Variants in LMBR1 observed in about 807,000 individuals in gnomAD.
LMBR1 encodes limb development membrane protein 1.
In LMBR1, 52 loss-of-function variants were observed where a neutral mutation model predicts 73.9. The observed-to-expected ratio is 0.70, with a 90% CI of 0.56 to 0.89. The LOEUF (loss-of-function observed/expected upper bound fraction) is 0.89. Ranked by LOEUF, LMBR1 falls within the 40% of genes least tolerant of loss-of-function variation. The pLI is 0.00. For missense variants in LMBR1, 539 were observed against 579.8 expected (o/e 0.93, Z 0.72); for synonymous variants, 215 against 209.4 (o/e 1.03, Z -0.23).
chr7:156,854,443 A>C (rs554249597), intron 1 of LMBR1, among the ~76,000 whole-genome samples: 12 of 152,354 alleles, frequency 7.9e-5, no homozygotes, highest in Admixed American at 7.8e-4. Flanking sequence ...TAATTAAAAA[A>C]TAATAATAAA....
intron 9 of LMBR1, among the ~76,000 whole-genome samples, chr7:156,745,193 C>T (rs1270102802): frequency 6.6e-6 from 1 of 152,048 alleles, no homozygotes; most frequent in African/African-American, 2.4e-5. Flanking sequence ...TTATTTTTTT[C>T]AAGTTCTCAG....
chr7:156,717,957 G>A (rs1037712245), intron 15 of LMBR1, among the ~76,000 whole-genome samples: 4 of 152,174 alleles, frequency 2.6e-5, no homozygotes, highest in African/African-American at 9.7e-5. Flanking sequence ...ATTAGAAGTG[G>A]CGGCCGGATC....
At chr7:156,746,747 A>G (rs1340289680) in intron 9 of LMBR1, among the ~76,000 whole-genome samples, 1 of 152,176 alleles carries the variant, frequency 6.6e-6, no homozygotes, top group African/African-American at 2.4e-5. Context: ...TTTTTGAGTA[A>G]ATATTTCATT....
intron 1 of LMBR1, among the ~76,000 whole-genome samples, chr7:156,888,339 G>C (rs1216314488): frequency 3.3e-5 from 5 of 151,590 alleles, no homozygotes; most frequent in East Asian, 1.9e-4. Context: ...GAACCGGGGG[G>C]GCGGAGCTTG....
chr7:156,740,817 C>T (rs1238816319), intron 9 of LMBR1, among the ~76,000 whole-genome samples: 1 of 152,106 alleles, frequency 6.6e-6, no homozygotes, highest in African/African-American at 2.4e-5. Context: ...TACACAAACT[C>T]ACTGGTAATA....
chr7:156,822,646 A>G (rs575451624), intron 4 of LMBR1: 36 of 152,174 alleles, frequency 2.4e-4, no homozygotes, highest in Admixed American at 7.2e-4. Context: ...CAAATATTAT[A>G]AAAAATATTC....
At chr7:156,856,888 A>G (rs1487393146) in intron 1 of LMBR1, among the ~76,000 whole-genome samples, 1 of 152,222 alleles carries the variant, frequency 6.6e-6, no homozygotes, top group Admixed American at 6.5e-5. Flanking sequence ...GAGGGGAACT[A>G]GGAATATTCT....
At chr7:156,891,338 T>TA (rs1802952362) in intron 1 of LMBR1, among the ~76,000 whole-genome samples, 1 of 143,180 alleles carries the variant, frequency 7.0e-6, no homozygotes, top group Non-Finnish European at 1.5e-5. Context: ...CCATCAACAG[T>TA]AAAATGAAAA....
chr7:156,783,076 C>T (rs145201081), intron 5 of LMBR1, among the ~76,000 whole-genome samples: 4 of 152,324 alleles, frequency 2.6e-5, no homozygotes, highest in Admixed American at 1.3e-4. Context: ...CTGCTTGTCA[C>T]ATTCTATAAG....
chr7:156,797,183 T>C (rs534480936), intron 4 of LMBR1, among the ~76,000 whole-genome samples: 42 of 152,174 alleles, frequency 2.8e-4, no homozygotes, highest in Non-Finnish European at 5.3e-4. Context: ...TCACAGAGAC[T>C]GGCAATCTTA....
chr7:156,802,772 C>G (rs897391880), intron 4 of LMBR1, among the ~76,000 whole-genome samples: 14 of 150,704 alleles, frequency 9.3e-5, no homozygotes, highest in Non-Finnish European at 8.9e-5. Flanking sequence ...CTGCCCCCTG[C>G]CACTCCCCAC....
chr7:156,831,344 C>CT (rs1374260741), intron 3 of LMBR1, among the ~76,000 whole-genome samples: 1 of 142,810 alleles, frequency 7.0e-6, no homozygotes, highest in Non-Finnish European at 1.5e-5. Flanking sequence ...GGTGAGAACT[C>CT]TGTTTTACAT....
chr7:156,787,672 T>C (rs1307184446), intron 5 of LMBR1, among the ~76,000 whole-genome samples: 1 of 152,248 alleles, frequency 6.6e-6, no homozygotes, highest in Non-Finnish European at 1.5e-5. Flanking sequence ...AGAAAACATT[T>C]CAAGGAGTTA....
At chr7:156,676,066 G>A (rs1053041340), downstream of LMBR1, among the ~76,000 whole-genome samples, 4 of 152,072 alleles carry the variant, frequency 2.6e-5, no homozygotes, top group African/African-American at 2.4e-5. Context: ...TGTCAGTCCC[G>A]GGGTAACCGC....
In LMBR1 at chr7:156,670,253, G is replaced by C. The variant is rs1343199016; in HGVS notation, n.867-966C>G. The stretch of plus-strand genomic sequence containing the variant: ...TGCAGAGGAGCTGGATGCTAAGCAC[G>C]GCTGGCTCTACTGTTTTGACTTTGG... On this transcript the variant is annotated intron_variant and non_coding_transcript_variant, in intron 4 of 4. Coordinates refer to the LMBR1 transcript ENST00000430825. This position sits in a 1 kb window ranked among gnomAD's most constrained non-coding sequence, Gnocchi z 4.3. 6.6e-6 allele frequency among the ~76,000 whole-genome samples: 1 copy of C among 152,120 alleles called. No individual in the cohort carries two copies. Among genetic ancestry groups the C allele is most frequent in the Non-Finnish European group, 1.5e-5 (1 of 68,024 alleles).
At chr7:156,740,211 G>C (rs1585485234) in intron 9 of LMBR1, among the ~76,000 whole-genome samples, 1 of 151,696 alleles carries the variant, frequency 6.6e-6, no homozygotes, top group African/African-American at 2.4e-5. Flanking sequence ...GGAGACAAAA[G>C]AAAAAAGAAT....
intron 5 of LMBR1, among the ~76,000 whole-genome samples, chr7:156,778,209 T>C (rs1410151582): frequency 6.6e-6 from 1 of 152,206 alleles, no homozygotes; most frequent in Admixed American, 6.5e-5. Flanking sequence ...AGTCAGTAAA[T>C]AACTCACAAA....
At chr7:156,675,335 A>G (rs1803619010), downstream of LMBR1, among the ~76,000 whole-genome samples, 1 of 152,194 alleles carries the variant, frequency 6.6e-6, no homozygotes, top group South Asian at 2.1e-4. Context: ...TGCCTCTCAC[A>G]GGAGGGTCCT....
intron 5 of LMBR1, among the ~76,000 whole-genome samples, chr7:156,794,029 C>T (rs1200215558): frequency 6.6e-6 from 1 of 152,188 alleles, no homozygotes; most frequent in Non-Finnish European, 1.5e-5. Context: ...ACGGCATTAA[C>T]AACCAAATTC....
Sources: gnomAD v4.1 joint callset for allele counts (sites outside exome capture counted in the v4.1 genomes callset) on GRCh38, gnomAD v4.1.1 for gene constraint, Gnocchi (gnomAD v3.1) non-coding constraint, MANE v1.5 for transcripts, NCBI Gene and HGNC (gene_info 2026-07-23, HGNC 2026-07-21) for gene names.